Variants in LEO1 observed in about 807,000 individuals in gnomAD.
LEO1 encodes the protein RNA polymerase-associated protein LEO1.
In LEO1, 34 loss-of-function variants were observed where a neutral mutation model predicts 80.4. The observed-to-expected ratio is 0.42, with a 90% CI of 0.32 to 0.56. The LOEUF (loss-of-function observed/expected upper bound fraction) is 0.56. LEO1 is among the 20% of genes least tolerant of loss of function. LEO1 has a pLI of 0.10. For missense variants in LEO1, 631 were observed against 814.2 expected (o/e 0.77, Z 2.74); for synonymous variants, 262 against 274.9 (o/e 0.95, Z 0.46).
At chr15:51,962,273 C>T (rs1475773675) in intron 3 of LEO1, 116 bp downstream of exon 3, 3 of 622,170 alleles carry the variant, frequency 4.8e-6, no homozygotes, top group Non-Finnish European at 8.2e-6. Context: ...CGTATCCACA[C>T]TCTTATTCTG....
intron 7 of LEO1, among the ~76,000 whole-genome samples, chr15:51,954,201 G>C (rs1435050594): frequency 2.6e-5 from 4 of 151,238 alleles, no homozygotes; most frequent in African/African-American, 9.7e-5. Flanking sequence ...GGGATTACAG[G>C]CGTGAGCCAC....
intron 11 of LEO1, among the ~76,000 whole-genome samples, chr15:51,946,017 G>C (rs1197856802): frequency 1.3e-5 from 2 of 151,788 alleles, no homozygotes; most frequent in South Asian, 2.1e-4. Context: ...CTGGGCAACA[G>C]AGCGAGACTC....
chr15:51,960,599 T>C (rs879292425), intron 4 of LEO1, 40 bp downstream of exon 4: 2 of 1,116,324 alleles, frequency 1.8e-6, no homozygotes, highest in Non-Finnish European at 2.7e-6. Context: ...TGAAACTTTA[T>C]GCCTGGCCTT....
intron 11 of LEO1, among the ~76,000 whole-genome samples, chr15:51,941,316 G>C (rs1196488728): frequency 1.3e-5 from 2 of 152,132 alleles, no homozygotes; most frequent in African/African-American, 4.8e-5. Flanking sequence ...AAGTCTAAAA[G>C]AAAGCTTGCT....
At chr15:51,939,574 G>T (rs930002636) in intron 11 of LEO1, among the ~76,000 whole-genome samples, 1 of 152,140 alleles carries the variant, frequency 6.6e-6, no homozygotes, top group Non-Finnish European at 1.5e-5. Context: ...GAAGGGACAA[G>T]AGCCCCTCCT....
In LEO1 at chr15:51,949,795, A is replaced by C; in HGVS notation, c.1798+13T>G. Reference sequence around the variant, plus strand: ...CCCGAAATGATGAAATGTAATTTCCATACACGACTCACCTCGAATGCCCCC... The same window carrying C: ...CCCGAAATGATGAAATGTAATTTCCCTACACGACTCACCTCGAATGCCCCC... On this transcript the variant is annotated intron_variant, in intron 10 of 11. Coordinates refer to ENST00000299601, the MANE Select transcript of LEO1 (RefSeq NM_138792.4). 1 of 1,609,612 alleles carries C rather than the reference A, an allele frequency of 6.2e-7. No homozygotes were observed. The highest frequency in any genetic ancestry group is 8.5e-7 in the Non-Finnish European group (1 of 1,177,700).
chr15:51,948,416 G>C (rs1404981428), intron 10 of LEO1, among the ~76,000 whole-genome samples: 1 of 151,950 alleles, frequency 6.6e-6, no homozygotes, highest in Non-Finnish European at 1.5e-5. Context: ...CTTTTTCTAT[G>C]GGAAATCAGC....
Position 51,938,257 on chromosome 15 carries a change from C to A in LEO1, c.1900G>T (p.Gly634Cys). 1 of 1,567,268 alleles carries A rather than the reference C, an allele frequency of 6.4e-7. No homozygotes were observed. ...KAKKLTSDEE[G>C]EPSGKRKAED... ...GCTTTTCTCTTTCCGGAAGGTTCAC[C>A]TTCCTAAACAGATACAATTTTTACA... Residue 634 changes from glycine (G) to cysteine (C), a missense_variant, in exon 12 of 12, where the codon GGT (glycine) becomes TGT (cysteine). Gly to Cys is a radical substitution (Grantham distance 159, BLOSUM62 -3). This residue lies in a region of LEO1 where 117 missense variants were observed against 163.5 expected (regional missense o/e 0.72). Transcript: ENST00000299601.
intron 1 of LEO1, among the ~76,000 whole-genome samples, chr15:51,968,911 C>A (rs1298401957): frequency 6.6e-6 from 1 of 151,904 alleles, no homozygotes; most frequent in Non-Finnish European, 1.5e-5. Flanking sequence ...GTGTCTTTAT[C>A]CAAAATATAC....
At chr15:51,955,396 C>A (rs1359182479) in intron 6 of LEO1, among the ~76,000 whole-genome samples, 54 of 152,134 alleles carry the variant, frequency 3.5e-4, no homozygotes, top group Non-Finnish European at 1.2e-4. Flanking sequence ...AAAATGAAAA[C>A]CCCAGATTTC....
intron 9 of LEO1, among the ~76,000 whole-genome samples, chr15:51,951,562 T>A (rs1394897451): frequency 1.3e-5 from 2 of 152,232 alleles, no homozygotes; most frequent in Non-Finnish European, 2.9e-5. Context: ...GACTTAATGA[T>A]CTTTGAACTT....
intron 11 of LEO1, among the ~76,000 whole-genome samples, chr15:51,943,659 C>T (rs1179478223): frequency 1.3e-5 from 2 of 150,574 alleles, no homozygotes; most frequent in Non-Finnish European, 2.9e-5. Context: ...GAGATCGCAC[C>T]ACCGCACCCC....
In LEO1 at chr15:51,966,347, T is replaced by G. The variant is rs2057077382; in HGVS notation, c.216A>C (p.Ser72=). 6.2e-7 allele frequency: 1 copy of G among 1,614,192 alleles called. No individual in the cohort carries two copies. The highest frequency in any genetic ancestry group is 8.5e-7 in the Non-Finnish European group (1 of 1,180,032). ...AGTGATTATCACTACCACTATGATG[T>G]GAAGCTCCCTCGTCCTCACTGTCAT... ...FGDDSEDEGA[S]HHSGSDNHSE... is the part of the protein sequence containing the mutation. Residue 72 remains serine (S), a synonymous_variant, in exon 2 of 12, where the codon TCA becomes TCC. Transcript: ENST00000299601.
At chr15:51,943,169 G>A (rs2056870091) in intron 11 of LEO1, among the ~76,000 whole-genome samples, 1 of 151,876 alleles carries the variant, frequency 6.6e-6, no homozygotes, top group Non-Finnish European at 1.5e-5. Flanking sequence ...CATGAGGTCA[G>A]CAGTTCAAGA....
chr15:51,968,929 AT>A (rs1157822398), intron 1 of LEO1, among the ~76,000 whole-genome samples: 1 of 152,154 alleles, frequency 6.6e-6, no homozygotes, highest in Non-Finnish European at 1.5e-5. Context: ...TACAAAGAAC[AT>A]TTATAACTCA....
chr15:51,958,709 A>G (rs1268593033), intron 6 of LEO1, 33 bp downstream of exon 6: 2 of 1,396,542 alleles, frequency 1.4e-6, no homozygotes, highest in Non-Finnish European at 2.0e-6. Context: ...TTACTTTATA[A>G]AAGAAAAAAA....
In LEO1 at chr15:51,951,841, T is replaced by A. The variant is rs1821473880; in HGVS notation, c.1611+3A>T. 1 of 1,613,518 alleles carries A rather than the reference T, an allele frequency of 6.2e-7. No individual in the cohort carries two copies. The highest frequency in any genetic ancestry group is 1.1e-5 in the South Asian group (1 of 91,018). On this transcript the variant is annotated splice_donor_region_variant and intron_variant, in intron 9 of 11. Coordinates refer to ENST00000299601, the MANE Select transcript of LEO1 (RefSeq NM_138792.4). Reference sequence around the variant, plus strand: ...GGATAACGCTTAGGCTTAGCAAACATACCTTAATCATTTCTGTGCGTTGGC... The same window carrying A: ...GGATAACGCTTAGGCTTAGCAAACAAACCTTAATCATTTCTGTGCGTTGGC...
chr15:51,954,903 C>G, intron 6 of LEO1: 1 of 182,402 alleles, frequency 5.5e-6, no homozygotes, highest in Non-Finnish European at 1.1e-5. Flanking sequence ...AAGGGTCAGG[C>G]GATAAAACTT....
chr15:51,951,101 G>A (rs1396886806), intron 9 of LEO1, among the ~76,000 whole-genome samples: 1 of 152,204 alleles, frequency 6.6e-6, no homozygotes, highest in African/African-American at 2.4e-5. Flanking sequence ...CATAAGATTT[G>A]TAAGAAAGGC....
Sources: gnomAD v4.1 joint callset for allele counts (sites outside exome capture counted in the v4.1 genomes callset) on GRCh38, gnomAD v4.1.1 for gene constraint, gnomAD v4.1.1 regional missense constraint, MANE v1.5 for transcripts, NCBI Gene and HGNC (gene_info 2026-07-23, HGNC 2026-07-21) for gene names.